The following NELL1 variants were observed in gnomAD, a reference collection of about 807,000 sequenced individuals.
The protein encoded by NELL1 is protein kinase C-binding protein NELL1.
Under a neutral mutation model 107.4 loss-of-function variants are expected in NELL1, and 76 were observed. That is an observed-to-expected ratio of 0.71 (90% CI 0.59 to 0.86). The LOEUF is 0.86. NELL1 is among the 40% of genes least tolerant of loss of function. The pLI, the probability that NELL1 is intolerant of heterozygous loss-of-function variation, is 0.00. For missense variants in NELL1, 1,024 were observed against 1,005.5 expected (o/e 1.02, Z -0.25); for synonymous variants, 353 against 341.2 (o/e 1.03, Z -0.38).
At chr11:20,779,348 G>T (rs1263124174) in intron 2 of NELL1, among the ~76,000 whole-genome samples, 3 of 152,136 alleles carry the variant, frequency 2.0e-5, no homozygotes, top group Admixed American at 2.0e-4. Context: ...TTTTATCTGT[G>T]TTCAACACAC....
intron 2 of NELL1, among the ~76,000 whole-genome samples, chr11:20,767,243 TGTGAA>T (rs1342541578): frequency 6.6e-6 from 1 of 152,134 alleles, no homozygotes; most frequent in Non-Finnish European, 1.5e-5. Context: ...CAAGATTTAT[TGTGAA>T]GAGCGAAAGA....
intron 12 of NELL1, among the ~76,000 whole-genome samples, chr11:21,065,120 C>G (rs962474509): frequency 4.6e-5 from 7 of 152,086 alleles, no homozygotes; most frequent in Admixed American, 1.3e-4. Context: ...ATACAAGTCT[C>G]TAAGGTTTTT....
rs537068366 is a variant in NELL1, at chr11:21,323,101, C to T, written c.1550-47752C>T. On this transcript the variant is annotated intron_variant, in intron 14 of 19. Coordinates refer to ENST00000357134, the MANE Select transcript of NELL1 (RefSeq NM_006157.5). ...GAGAGAAAAAATAATCACCCATATT[C>T]GTCTGTACAAAACAATGAAGTAGAG... 2.2e-4 allele frequency among the ~76,000 whole-genome samples: 34 copies of T among 152,250 alleles called. No homozygotes were observed. The South Asian group carries it at 6.6e-3, about 30-fold the overall frequency.
At chr11:20,714,960 T>C (rs1038121987) in intron 2 of NELL1, among the ~76,000 whole-genome samples, 4 of 152,084 alleles carry the variant, frequency 2.6e-5, no homozygotes, top group Non-Finnish European at 4.4e-5. Context: ...TTTGAAATTA[T>C]AGGACGGGAG....
chr11:20,721,554 T>C (rs1042202407), intron 2 of NELL1, among the ~76,000 whole-genome samples: 3 of 152,176 alleles, frequency 2.0e-5, no homozygotes, highest in African/African-American at 7.2e-5. Context: ...AGAAATGATA[T>C]GTGTCAATTC....
chr11:20,684,844 C>T lies in NELL1; in HGVS notation c.184+6784C>T, dbSNP rs143162772. Among the ~76,000 whole-genome samples, 247 of 152,162 alleles carry T rather than the reference C, an allele frequency of 1.6e-3. 3 individuals carry two copies. The highest frequency in any genetic ancestry group is 2.4e-3 in the Non-Finnish European group (165 of 67,984). Reference sequence around the variant, plus strand: ...CCATCACTGAGGCAAGATCCTTCAGCGTACTCTACCCAGTGACTGATAAGT... The same window carrying T: ...CCATCACTGAGGCAAGATCCTTCAGTGTACTCTACCCAGTGACTGATAAGT... On this transcript the variant is annotated intron_variant, in intron 2 of 19. Coordinates refer to ENST00000357134, the MANE Select transcript of NELL1 (RefSeq NM_006157.5).
intron 14 of NELL1, among the ~76,000 whole-genome samples, chr11:21,365,587 T>A (rs1851201926): frequency 6.6e-6 from 1 of 152,170 alleles, no homozygotes; most frequent in East Asian, 1.9e-4. Context: ...ACAGTGGAAA[T>A]GGCTACTGGA....
chr11:21,457,978 G>A (rs1230921320), intron 15 of NELL1, among the ~76,000 whole-genome samples: 1 of 151,738 alleles, frequency 6.6e-6, no homozygotes, highest in East Asian at 1.9e-4. Flanking sequence ...TTTGATAAGT[G>A]GCGAGGTAAA....
chr11:21,256,833 C>T (rs548560055), intron 14 of NELL1, among the ~76,000 whole-genome samples: 11 of 151,972 alleles, frequency 7.2e-5, no homozygotes, highest in Non-Finnish European at 1.3e-4. Flanking sequence ...AGGTGAGCAC[C>T]GGAAGCACGG....
chr11:21,260,925 C>A (rs1848517083), intron 14 of NELL1, among the ~76,000 whole-genome samples: 1 of 151,672 alleles, frequency 6.6e-6, no homozygotes, highest in Non-Finnish European at 1.5e-5. Flanking sequence ...TACTTTCTAT[C>A]AATTTCTGAA....
chr11:20,979,013 T>A (rs1435826657), intron 12 of NELL1, among the ~76,000 whole-genome samples: 1 of 152,148 alleles, frequency 6.6e-6, no homozygotes, highest in Non-Finnish European at 1.5e-5. Context: ...CCCCCCAGCA[T>A]ATTTACTGGA....
intron 12 of NELL1, among the ~76,000 whole-genome samples, chr11:20,992,552 C>T (rs1851998670): frequency 6.6e-6 from 1 of 152,066 alleles, no homozygotes; most frequent in Admixed American, 6.6e-5. Flanking sequence ...AAGTCTGTAG[C>T]CTTGGGAGAG....
chr11:20,832,204 C>T (rs182840108), intron 3 of NELL1, among the ~76,000 whole-genome samples: 16 of 152,336 alleles, frequency 1.1e-4, no homozygotes, highest in Admixed American at 1.0e-3. Flanking sequence ...CTTCTAAGCT[C>T]ATTCCTAAGC....
At chr11:21,064,740 A>G (rs1352969084) in intron 12 of NELL1, among the ~76,000 whole-genome samples, 1 of 152,194 alleles carries the variant, frequency 6.6e-6, no homozygotes, top group African/African-American at 2.4e-5. Flanking sequence ...AAGTGCTCTT[A>G]AGTTAGATGA....
At chr11:21,522,651 C>A (rs1468767237) in intron 15 of NELL1, among the ~76,000 whole-genome samples, 1 of 152,048 alleles carries the variant, frequency 6.6e-6, no homozygotes, top group Admixed American at 6.6e-5. Flanking sequence ...GAAGCCCTGA[C>A]TTCTCCACTA....
intron 14 of NELL1, among the ~76,000 whole-genome samples, chr11:21,330,703 A>T (rs1406538196): frequency 6.6e-6 from 1 of 151,846 alleles, no homozygotes. Context: ...GTCTGGGTGT[A>T]TATCTGTGTT....
intron 15 of NELL1, among the ~76,000 whole-genome samples, chr11:21,523,880 CAT>C (rs1248318914): frequency 6.6e-6 from 1 of 151,608 alleles, no homozygotes; most frequent in Non-Finnish European, 1.5e-5. Flanking sequence ...AAACTTTTTT[CAT>C]ATGTGTGTGT....
chr11:21,126,136 A>G (rs952882789), intron 13 of NELL1, among the ~76,000 whole-genome samples: 4 of 152,162 alleles, frequency 2.6e-5, no homozygotes, highest in Non-Finnish European at 5.9e-5. Flanking sequence ...CAGAGATAGG[A>G]AAGTCGACAT....
intron 14 of NELL1, among the ~76,000 whole-genome samples, chr11:21,324,410 A>C (rs1034946358): frequency 6.6e-6 from 1 of 152,122 alleles, no homozygotes; most frequent in African/African-American, 2.4e-5. Flanking sequence ...TTCTATCTTG[A>C]TTCTCATAAA....
Sources: gnomAD v4.1 joint callset for allele counts (sites outside exome capture counted in the v4.1 genomes callset) on GRCh38, gnomAD v4.1.1 for gene constraint, MANE v1.5 for transcripts, NCBI Gene and HGNC (gene_info 2026-07-23, HGNC 2026-07-21) for gene names.